Variants in NRG3 observed in about 807,000 individuals in gnomAD.
The protein encoded by NRG3 is neuregulin 3, also known as pro-neuregulin-3, membrane-bound isoform.
NRG3 carries 31 observed loss-of-function variants against 66.9 expected under a neutral mutation model. The ratio of observed to expected loss-of-function variants is 0.46; its 90% CI spans 0.35 to 0.63. NRG3 has a LOEUF of 0.63. Among genes scored for constraint, NRG3 ranks in the 20% least tolerant of loss-of-function variants. The probability of loss-of-function intolerance (pLI) is 0.00; values close to 1 mark genes in which losing one functional copy is unlikely to be tolerated. For missense variants in NRG3, 910 were observed against 878.9 expected, an observed-to-expected ratio of 1.04 and a Z score of -0.45; for synonymous variants, 393 against 359.4, an observed-to-expected ratio of 1.09 and a Z score of -1.06.
chr10:82,963,865 C>T (rs1008374064), intron 6 of NRG3, among the ~76,000 whole-genome samples: 1 of 152,110 alleles, frequency 6.6e-6, no homozygotes, highest in Admixed American at 6.5e-5. Context: ...CACTCTGTCT[C>T]TCTGGGCCTG....
At chr10:81,915,014 G>C (rs555109820) in intron 1 of NRG3, among the ~76,000 whole-genome samples, 2 of 152,170 alleles carry the variant, frequency 1.3e-5, no homozygotes, top group South Asian at 4.1e-4. Context: ...TCCTGTGAAG[G>C]CTCCAGTTTT....
chr10:82,550,829 A>G (rs887306986), intron 2 of NRG3, among the ~76,000 whole-genome samples: 5 of 152,136 alleles, frequency 3.3e-5, no homozygotes, highest in Non-Finnish European at 5.9e-5. Flanking sequence ...AACATTCTAT[A>G]TCAGAAAATC....
rs183586818 is a variant in NRG3, at chr10:82,097,616, C to T, written c.823+221453C>T. Among the ~76,000 whole-genome samples the T allele has an allele frequency of 6.0e-3, 903 of 151,608 alleles. 3 individuals carry two copies. Among genetic ancestry groups the T allele is most frequent in the Middle Eastern group, 0.049 (14 of 288 alleles). ...TGGGTGAACATACAGTTTGATTTAT[C>T]TTAGGTAAAGACCTAGGAGTGGAAT... On this transcript the variant is annotated intron_variant, in intron 1 of 8. Transcript: ENST00000372141.
chr10:82,256,922 G>A (rs1490846298), intron 1 of NRG3, among the ~76,000 whole-genome samples: 1 of 152,164 alleles, frequency 6.6e-6, no homozygotes, highest in Non-Finnish European at 1.5e-5. Context: ...ATGACTTCCT[G>A]CAAATGATGG....
intron 1 of NRG3, among the ~76,000 whole-genome samples, chr10:82,092,806 TGAA>T (rs2066106827): frequency 6.6e-6 from 1 of 152,310 alleles, no homozygotes; most frequent in South Asian, 2.1e-4. Flanking sequence ...TCCAGGTTCT[TGAA>T]GATTGGAATT....
intron 1 of NRG3, among the ~76,000 whole-genome samples, chr10:82,340,351 T>C (rs1218292084): frequency 6.6e-6 from 1 of 152,198 alleles, no homozygotes; most frequent in African/African-American, 2.4e-5. Context: ...TCTCCTAGAA[T>C]ATTTTTTCTA....
chr10:82,025,626 C>T (rs533756548), intron 1 of NRG3, among the ~76,000 whole-genome samples: 10 of 152,196 alleles, frequency 6.6e-5, no homozygotes, highest in African/African-American at 1.9e-4. Flanking sequence ...CTGTTCCCTG[C>T]AACCTTACCA....
chr10:82,306,014 A>G (rs1467191527), intron 1 of NRG3, among the ~76,000 whole-genome samples: 1 of 152,204 alleles, frequency 6.6e-6, no homozygotes, highest in Admixed American at 6.5e-5. Context: ...GCTAGTATCC[A>G]TCTGTTACTG....
intron 1 of NRG3, among the ~76,000 whole-genome samples, chr10:82,027,758 C>G (rs144729560): frequency 5.9e-5 from 9 of 152,226 alleles, no homozygotes; most frequent in Admixed American, 3.3e-4. Context: ...ATTGCAGTCT[C>G]TCTTCAGTGT....
chr10:82,711,804 T>C (rs1326734290), intron 2 of NRG3, among the ~76,000 whole-genome samples: 2 of 152,214 alleles, frequency 1.3e-5, no homozygotes, highest in African/African-American at 4.8e-5. Context: ...AAAATCCTCT[T>C]GGATCCCCAT....
chr10:82,923,574 C>G (rs1281121288), intron 4 of NRG3, among the ~76,000 whole-genome samples: 1 of 151,896 alleles, frequency 6.6e-6, no homozygotes. Context: ...ATTGTAAATA[C>G]CTGAATTATT....
chr10:82,559,622 G>A (rs917751960), intron 2 of NRG3, among the ~76,000 whole-genome samples: 1 of 152,188 alleles, frequency 6.6e-6, no homozygotes, highest in African/African-American at 2.4e-5. Context: ...TCCTACAGCA[G>A]ATCTGAGCAG....
intron 3 of NRG3, among the ~76,000 whole-genome samples, chr10:82,782,505 C>T (rs2060160168): frequency 6.6e-6 from 1 of 152,032 alleles, no homozygotes; most frequent in South Asian, 2.1e-4. Flanking sequence ...TCTGTTACCT[C>T]AGCAAAAGAC....
At chr10:82,710,415 G>A (rs1217949904) in intron 2 of NRG3, among the ~76,000 whole-genome samples, 1 of 151,904 alleles carries the variant, frequency 6.6e-6, no homozygotes, top group East Asian at 1.9e-4. Flanking sequence ...GTAAAACCAA[G>A]TCTCTACCAA....
At chr10:82,632,395 A>C (rs111773320) in intron 2 of NRG3, among the ~76,000 whole-genome samples, 1 of 152,288 alleles carries the variant, frequency 6.6e-6, no homozygotes, top group African/African-American at 2.4e-5. Context: ...TTATAGCTCT[A>C]TGAGCTCCCC....
intron 1 of NRG3, among the ~76,000 whole-genome samples, chr10:82,218,713 C>T (rs903751251): frequency 3.3e-5 from 5 of 152,126 alleles, no homozygotes; most frequent in Non-Finnish European, 7.4e-5. Context: ...TTCCTCTCTT[C>T]CCAAAGCTAG....
chr10:82,118,296 C>A (rs1276279826), intron 1 of NRG3, among the ~76,000 whole-genome samples: 1 of 151,556 alleles, frequency 6.6e-6, no homozygotes, highest in Non-Finnish European at 1.5e-5. Flanking sequence ...CATCCAGGGG[C>A]CCTCTTTTTT....
At chr10:82,236,786 G>A (rs1380253097) in intron 1 of NRG3, among the ~76,000 whole-genome samples, 1 of 126,998 alleles carries the variant, frequency 7.9e-6, no homozygotes, top group Non-Finnish European at 1.6e-5. Flanking sequence ...TGCGATCTCC[G>A]CCTACTGCAA....
chr10:82,049,653 A>G (rs1287130000), intron 1 of NRG3, among the ~76,000 whole-genome samples: 1 of 151,968 alleles, frequency 6.6e-6, no homozygotes, highest in Non-Finnish European at 1.5e-5. Context: ...CAGTGAGAAA[A>G]GCCCATTCCA....
Sources: allele counts gnomAD v4.1 joint callset (sites outside exome capture counted in the v4.1 genomes callset), GRCh38; gene constraint gnomAD v4.1.1; transcripts MANE v1.5; gene names NCBI Gene and HGNC (gene_info 2026-07-23, HGNC 2026-07-21).